NFIX: variants seen among roughly 807,000 people sequenced by gnomAD.
The protein encoded by NFIX is nuclear factor 1 X-type.
Under a neutral mutation model 53.3 loss-of-function variants are expected in NFIX, and 2 were observed. That is an observed-to-expected ratio of 0.04 (90% confidence interval 0.02 to 0.12). The LOEUF (loss-of-function observed/expected upper bound fraction) is 0.12. NFIX is among the 10% of genes least tolerant of loss of function. NFIX has a pLI of 1.00. For synonymous variants in NFIX, 244 were observed against 289.0 expected, an observed-to-expected ratio of 0.84 and a Z score of 1.58; for missense variants, 310 against 674.5, an observed-to-expected ratio of 0.46 and a Z score of 5.99.
At position 12,996,580 on chromosome 19, in the gene NFIX, G is replaced by A. The variant is rs1269285478; in HGVS notation, c.27+716G>A. Among the ~76,000 whole-genome samples, 2 of 152,180 alleles carry A rather than the reference G, an allele frequency of 1.3e-5. No homozygotes were observed. Among genetic ancestry groups the A allele is most frequent in the East Asian group, 3.9e-4 (2 of 5,190 alleles). On this transcript the variant is annotated intron_variant, in intron 1 of 10. Transcript: ENST00000592199. This position sits in a 1 kb window ranked among gnomAD's most constrained non-coding sequence, Gnocchi z 5.2. ...TGGCCGCGCCTCTCCGACCCCGGAC[G>A]TCGCAGCCTCTGCCCCCCCACCCCC...
Position 13,089,624 on chromosome 19 carries a change from C to T in NFIX, c.1403-675C>T, listed in dbSNP as rs1454576761. 6.6e-6 allele frequency among the ~76,000 whole-genome samples: 1 copy of T among 152,228 alleles called. No individual in the cohort carries two copies. Among genetic ancestry groups the T allele is most frequent in the East Asian group, 1.9e-4 (1 of 5,192 alleles). On this transcript the variant is annotated intron_variant, in intron 9 of 10. Transcript: ENST00000592199. This position sits in a 1 kb window ranked among gnomAD's most constrained non-coding sequence, Gnocchi z 4.8. ...CCCTGGGCCCAAGCCAGGCAGCCAG[C>T]TCCTAGGCCCTTCTCTGACCCTGCC...
intron 2 of NFIX, among the ~76,000 whole-genome samples, chr19:13,061,197 A>G (rs1159352355): frequency 6.6e-6 from 1 of 151,348 alleles, no homozygotes; most frequent in African/African-American, 2.4e-5. Context: ...CAGTCAAGCT[A>G]TGCACCTGGC....
At chr19:13,039,228 C>CCCCCACA (rs796212249) in intron 2 of NFIX, among the ~76,000 whole-genome samples, 118 of 144,578 alleles carry the variant, frequency 8.2e-4, no homozygotes, top group Admixed American at 5.3e-4. Context: ...ACACCCCCCC[C>CCCCCACA]CACACACACA....
At position 13,037,747 on chromosome 19, in the gene NFIX, G is replaced by A. The variant is rs1311277051; in HGVS notation, c.559+12195G>A. Among the ~76,000 whole-genome samples, 4 of 152,124 alleles carry A rather than the reference G, an allele frequency of 2.6e-5. No homozygotes were observed. Among genetic ancestry groups the A allele is most frequent in the African/African-American group, 4.8e-5 (2 of 41,434 alleles). ...CCTAGAACAGTGATTTTCAACCAAGGGCAATTTTGTCCCGCAGGGAACATT... is the reference window on the plus strand; with the variant it reads ...CCTAGAACAGTGATTTTCAACCAAGAGCAATTTTGTCCCGCAGGGAACATT... On this transcript the variant is annotated intron_variant, in intron 2 of 10. Transcript: ENST00000592199. The surrounding 1 kb of genome is among the most constrained non-coding windows in gnomAD (Gnocchi z 4.2).
chr19:13,068,278 A>AG lies in NFIX; in HGVS notation c.560-4763dup, dbSNP rs974066946. Among the ~76,000 whole-genome samples the AG allele has an allele frequency of 4.0e-5, 6 of 151,820 alleles. No homozygotes were observed. The highest frequency in any genetic ancestry group is 1.5e-4 in the African/African-American group (6 of 41,324). On this transcript the variant is annotated intron_variant, in intron 2 of 10. Coordinates refer to ENST00000592199, the MANE Select transcript of NFIX (RefSeq NM_001365902.3). The surrounding 1 kb of genome is among the most constrained non-coding windows in gnomAD (Gnocchi z 4.2). Reference sequence around the variant, plus strand: ...CGTGCCTGCAAACAGCAGAAGGAAGAGGGGGGTGCTGAAGAGGTGAGGGGG... The same window carrying AG: ...CGTGCCTGCAAACAGCAGAAGGAAGAGGGGGGGTGCTGAAGAGGTGAGGGGG...
chr19:13,031,358 G>A (rs2013791155), intron 2 of NFIX, among the ~76,000 whole-genome samples: 1 of 152,156 alleles, frequency 6.6e-6, no homozygotes, highest in African/African-American at 2.4e-5. Flanking sequence ...CATAATTATG[G>A]GCATGGTGAC....
intron 1 of NFIX, among the ~76,000 whole-genome samples, chr19:13,016,069 T>G (rs1421308026): frequency 6.6e-6 from 1 of 152,132 alleles, no homozygotes; most frequent in African/African-American, 2.4e-5. Flanking sequence ...GTTACATGGG[T>G]GTGTTCACTT....
chr19:13,078,491 G>A lies in NFIX; in HGVS notation c.956-122G>A, dbSNP rs1375940448. ...GCAAGGAGCAGCAGGAGGGAGCACA[G>A]TGGAGGAAGGGGCAGTGGGGAGGGG... On this transcript the variant is annotated intron_variant, in intron 6 of 10. Coordinates refer to ENST00000592199, the MANE Select transcript of NFIX (RefSeq NM_001365902.3). This position sits in a 1 kb window ranked among gnomAD's most constrained non-coding sequence, Gnocchi z 4.7. 6 of 1,271,506 alleles carry A rather than the reference G, an allele frequency of 4.7e-6. No homozygotes were observed. Among genetic ancestry groups the A allele is most frequent in the Admixed American group, 2.2e-5 (1 of 46,154 alleles). The allele number at this position is 1,271,506 out of a possible 1,614,324, so 78.8% of individuals were successfully genotyped here.
At position 13,075,068 on chromosome 19, in the gene NFIX, TAAA is replaced by T. The variant is rs57860606; in HGVS notation, c.819-448_819-446del. Among the ~76,000 whole-genome samples, 426 of 73,682 alleles carry T rather than the reference TAAA, an allele frequency of 5.8e-3. 9 individuals carry two copies. In the South Asian group the frequency reaches 0.089, roughly 15 times the overall value. The allele number at this position is 73,682 out of a possible 152,430, so 48.3% of individuals were successfully genotyped here. ...CTGGGTGACAGAGCGAGACTCCATC[TAAA>T]AAAAAAAAAAAAAAAAAAGGAACTA... is the stretch of plus-strand genomic sequence containing the variant. On this transcript the variant is annotated intron_variant, in intron 5 of 10. Coordinates refer to ENST00000592199, the MANE Select transcript of NFIX (RefSeq NM_001365902.3).
At position 13,094,739 on chromosome 19, in the gene NFIX, C is replaced by T; in HGVS notation, c.*90C>T. 7.3e-7 allele frequency: 1 copy of T among 1,376,850 alleles called. No individual in the cohort carries two copies. The highest frequency in any genetic ancestry group is 1.2e-5 in the South Asian group (1 of 80,030). The allele number at this position is 1,376,850 out of a possible 1,614,324, so 85.3% of individuals were successfully genotyped here. On this transcript the variant is annotated 3_prime_UTR_variant, in exon 11 of 11. Coordinates refer to ENST00000592199, the MANE Select transcript of NFIX (RefSeq NM_001365902.3). This position sits in a 1 kb window ranked among gnomAD's most constrained non-coding sequence, Gnocchi z 4.3. ...TTTGAGAATGGAAAAATCCCCCAGC[C>T]CAGCCCAGCCCCACCGAAAAGCAAA...
At chr19:13,039,596 C>T (rs1274110218) in intron 2 of NFIX, among the ~76,000 whole-genome samples, 1 of 152,124 alleles carries the variant, frequency 6.6e-6, no homozygotes, top group Non-Finnish European at 1.5e-5. Context: ...CATGTCTTGT[C>T]ACGAAAACAG....
intron 1 of NFIX, among the ~76,000 whole-genome samples, chr19:13,003,906 C>G (rs1382257453): frequency 6.6e-6 from 1 of 152,138 alleles, no homozygotes; most frequent in African/African-American, 2.4e-5. Context: ...TCCCAAGTAG[C>G]TGGGACTACA....
At chr19:13,080,892 C>T (rs945761829) in intron 7 of NFIX, among the ~76,000 whole-genome samples, 11 of 151,360 alleles carry the variant, frequency 7.3e-5, no homozygotes, top group East Asian at 1.9e-4. Flanking sequence ...CCCAGCTACT[C>T]GGGAGGCTGA....
intron 1 of NFIX, chr19:13,024,540 G>A: frequency 1.3e-6 from 2 of 1,528,004 alleles, no homozygotes; most frequent in East Asian, 4.9e-5. Context: ...ACCAGAGGCG[G>A]CCCCGCACGC....
intron 1 of NFIX, chr19:13,024,109 CA>C: frequency 7.7e-6 from 4 of 519,566 alleles, no homozygotes; most frequent in Middle Eastern, 5.3e-4. Context: ...AACAAGCAAA[CA>C]ACCAAAAAAA....
At chr19:13,008,213 C>T (rs2012133775) in intron 1 of NFIX, among the ~76,000 whole-genome samples, 1 of 152,158 alleles carries the variant, frequency 6.6e-6, no homozygotes, top group South Asian at 2.1e-4. Context: ...GACTCCAGGG[C>T]TTGAGGGGGT....
chr19:13,069,927 T>A (rs1199184315), intron 2 of NFIX: 1 of 152,296 alleles, frequency 6.6e-6, no homozygotes, highest in Non-Finnish European at 1.5e-5. Context: ...TCCTCCTTTC[T>A]GTCCCAAATC....
intron 2 of NFIX, among the ~76,000 whole-genome samples, chr19:13,061,079 T>C (rs1041403083): frequency 7.0e-6 from 1 of 141,920 alleles, no homozygotes; most frequent in Non-Finnish European, 1.5e-5. Context: ...CACGTGGCCT[T>C]AGACCCCCCC....
Position 13,012,565 on chromosome 19 carries a change from C to T in NFIX, c.28-12456C>T, listed in dbSNP as rs1010460085. 3.3e-5 allele frequency among the ~76,000 whole-genome samples: 5 copies of T among 152,182 alleles called. No homozygotes were observed. The highest frequency in any genetic ancestry group is 7.4e-5 in the Non-Finnish European group (5 of 68,020). ...GGGGCTCCGATGTCGGCATTTTTGC[C>T]TTAAGGCTAGTTTGTCCCCCAGGCG... On this transcript the variant is annotated intron_variant, in intron 1 of 10. Coordinates refer to ENST00000592199, the MANE Select transcript of NFIX (RefSeq NM_001365902.3). The surrounding 1 kb of genome is among the most constrained non-coding windows in gnomAD (Gnocchi z 5.0).
Sources: allele counts gnomAD v4.1 joint callset (sites outside exome capture counted in the v4.1 genomes callset), GRCh38; gene constraint gnomAD v4.1.1; non-coding constraint Gnocchi (gnomAD v3.1); transcripts MANE v1.5; gene names NCBI Gene and HGNC (gene_info 2026-07-23, HGNC 2026-07-21).